Variants in PCDHA11 observed in about 807,000 individuals in gnomAD.
The protein encoded by PCDHA11 is protocadherin alpha-11.
PCDHA11 carries 61 observed loss-of-function variants against 70.3 expected under a neutral mutation model. That is an observed-to-expected ratio of 0.87 (90% CI 0.71 to 1.07). PCDHA11 has a LOEUF of 1.07. Among genes scored for constraint, PCDHA11 ranks in the 50% least tolerant of loss-of-function variants. The pLI is 0.00. For missense variants in PCDHA11, 1,324 were observed against 1,237.5 expected (o/e 1.07, Z -1.05); for synonymous variants, 633 against 555.1 (o/e 1.14, Z -1.97).
chr5:140,988,512 T>TCC (rs2097301181), intron 3 of PCDHA11, among the ~76,000 whole-genome samples: 1 of 152,218 alleles, frequency 6.6e-6, no homozygotes, highest in Non-Finnish European at 1.5e-5. Flanking sequence ...TGAAGCTTAC[T>TCC]TAAGTCTCTG....
At chr5:140,905,292 G>T (rs1394409672) in intron 1 of PCDHA11, among the ~76,000 whole-genome samples, 1 of 152,114 alleles carries the variant, frequency 6.6e-6, no homozygotes, top group African/African-American at 2.4e-5. Flanking sequence ...CTTGAATAAG[G>T]TGTCCTTTCC....
intron 1 of PCDHA11, among the ~76,000 whole-genome samples, chr5:140,912,343 AT>A (rs35252606): frequency 0.42 from 59,775 of 143,548 alleles, 12,483 homozygotes; most frequent in African/African-American, 0.57. Context: ...TACACTAAGT[AT>A]TTTTTTTTTT....
At chr5:140,956,958 A>C (rs970237928) in intron 1 of PCDHA11, among the ~76,000 whole-genome samples, 4 of 134,798 alleles carry the variant, frequency 3.0e-5, no homozygotes, top group Non-Finnish European at 6.6e-5. Context: ...AAACACTGTA[A>C]TTAATCAGTC....
rs2080357826 is a variant in PCDHA11 at position 140,921,739 on chromosome 5, G to T, written c.2391+50245G>T. The stretch of plus-strand genomic sequence containing the variant: ...CGAATTACTCCCATAAAAATTATAA[G>T]CATAACAGGACACTTCTTGGCTACT... On this transcript the variant is annotated intron_variant, in intron 1 of 3. Transcript: ENST00000398640. Among the ~76,000 whole-genome samples, 7 of 152,134 alleles carry T rather than the reference G, an allele frequency of 4.6e-5. No individual in the cohort carries two copies. In the South Asian group the frequency reaches 1.5e-3, roughly 32 times the overall value.
chr5:140,981,687 A>ATCAT (rs200213847), intron 2 of PCDHA11, among the ~76,000 whole-genome samples: 1,547 of 152,086 alleles, frequency 0.01, 18 homozygotes, highest in African/African-American at 0.031. Flanking sequence ...CCTCCCTTCC[A>ATCAT]TCATTCATTC....
At chr5:140,877,653 C>A in intron 1 of PCDHA11, 1 of 1,613,522 alleles carries the variant, frequency 6.2e-7, no homozygotes, top group Non-Finnish European at 8.5e-7. Flanking sequence ...CAGCGCCGCC[C>A]ACCGTGAGCC....
At position 140,870,481 on chromosome 5, in the gene PCDHA11, A is replaced by C. The variant is rs1329928274; in HGVS notation, c.1378A>C (p.Thr460Pro). 1 of 1,614,210 alleles carries C rather than the reference A, an allele frequency of 6.2e-7. No individual in the cohort carries two copies. The highest frequency in any genetic ancestry group is 2.2e-5 in the East Asian group (1 of 44,880). ...NAPAFAQPEY[T>P]VFVKENNPPG... is the part of the protein sequence containing the mutation. Reference sequence around the variant, plus strand: ...GCCTGCGTTCGCACAGCCCGAGTACACCGTGTTCGTGAAGGAGAACAACCC... The same window carrying C: ...GCCTGCGTTCGCACAGCCCGAGTACCCCGTGTTCGTGAAGGAGAACAACCC... Residue 460 changes from threonine (T) to proline (P), a missense_variant, in exon 1 of 4, where the codon ACC becomes CCC. Physicochemically the swap from Thr to Pro is conservative, Grantham distance 38. Coordinates refer to ENST00000398640, the MANE Select transcript of PCDHA11 (RefSeq NM_018902.5).
chr5:140,899,071 C>T (rs1436283947), intron 1 of PCDHA11, among the ~76,000 whole-genome samples: 1 of 152,106 alleles, frequency 6.6e-6, no homozygotes, highest in African/African-American at 2.4e-5. Flanking sequence ...AGTTGCTTAT[C>T]AGCTTAAGGA....
At chr5:141,005,930 G>C (rs1179599253) in intron 3 of PCDHA11, among the ~76,000 whole-genome samples, 1 of 151,958 alleles carries the variant, frequency 6.6e-6, no homozygotes, top group African/African-American at 2.4e-5. Context: ...CTGGTTGACA[G>C]AGTGAGAACC....
Position 140,901,601 on chromosome 5 carries a change from A to T in PCDHA11, c.2391+30107A>T, listed in dbSNP as rs1448240708. Among the ~76,000 whole-genome samples, 3 of 152,078 alleles carry T rather than the reference A, an allele frequency of 2.0e-5. 1 individual carries two copies. The highest frequency in any genetic ancestry group is 1.3e-4 in the Admixed American group (2 of 15,264). On this transcript the variant is annotated intron_variant, in intron 1 of 3. Transcript: ENST00000398640. Reference sequence around the variant, plus strand: ...AGTGCCATGATGTTTTGGTTACTATATCTCTATGGTATAATTTGAAGTCAG... The same window carrying T: ...AGTGCCATGATGTTTTGGTTACTATTTCTCTATGGTATAATTTGAAGTCAG...
chr5:140,869,679 G>A lies in PCDHA11; in HGVS notation c.576G>A (p.Leu192=). The A allele has an allele frequency of 6.2e-7, 1 of 1,613,452 alleles. No homozygotes were observed. The highest frequency in any genetic ancestry group is 8.5e-7 in the Non-Finnish European group (1 of 1,179,878). The stretch of plus-strand genomic sequence containing the variant: ...CAAATGGTAAGCAGATTAAAAGACT[G>A]TCACTTATTTTAAAGAAGTCTCTGG... The part of the protein sequence containing the change: ...SPTNGKQIKR[L]SLILKKSLDR... Residue 192 remains leucine (L), a synonymous_variant, in exon 1 of 4, where the codon CTG becomes CTA. Coordinates refer to ENST00000398640, the MANE Select transcript of PCDHA11 (RefSeq NM_018902.5).
At chr5:140,903,166 T>C (rs758397398) in intron 1 of PCDHA11, among the ~76,000 whole-genome samples, 34 of 152,226 alleles carry the variant, frequency 2.2e-4, no homozygotes, top group Non-Finnish European at 2.5e-4. Context: ...TGTGCTGGTT[T>C]ACATTCCCAC....
At chr5:140,902,400 C>T (rs2069421777) in intron 1 of PCDHA11, among the ~76,000 whole-genome samples, 1 of 151,930 alleles carries the variant, frequency 6.6e-6, no homozygotes, top group South Asian at 2.1e-4. Flanking sequence ...ATGTTGAATA[C>T]TATGTTGAAT....
intron 1 of PCDHA11, among the ~76,000 whole-genome samples, chr5:140,925,170 A>G (rs2153576816): frequency 6.6e-6 from 1 of 152,194 alleles, no homozygotes; most frequent in East Asian, 1.9e-4. Flanking sequence ...TGTGTAATTG[A>G]CCCCAATGTA....
intron 1 of PCDHA11, chr5:140,928,062 C>G: frequency 6.2e-7 from 1 of 1,614,194 alleles, no homozygotes; most frequent in Non-Finnish European, 8.5e-7. Context: ...TGACGGCTTC[C>G]TTTGACAACT....
intron 1 of PCDHA11, among the ~76,000 whole-genome samples, chr5:140,892,996 G>A (rs1014134688): frequency 2.0e-5 from 3 of 152,162 alleles, no homozygotes; most frequent in Admixed American, 1.3e-4. Flanking sequence ...GTGAGAACAT[G>A]TATTTATTTT....
intron 1 of PCDHA11, among the ~76,000 whole-genome samples, chr5:140,948,360 C>T (rs1258504765): frequency 6.6e-6 from 1 of 151,494 alleles, no homozygotes; most frequent in Non-Finnish European, 1.5e-5. Context: ...AATAAAATGA[C>T]TTAGGAGGTG....
intron 1 of PCDHA11, chr5:140,927,497 T>A: frequency 6.2e-7 from 1 of 1,614,094 alleles, no homozygotes; most frequent in Non-Finnish European, 8.5e-7. Flanking sequence ...CACCTGCTGG[T>A]GCTTACAGCT....
rs1164447924 is a variant in PCDHA11, at chr5:141,009,514, AT to A, written c.2540-108del. The A allele has an allele frequency of 1.5e-5, 22 of 1,501,204 alleles. 1 individual carries two copies. The South Asian group carries it at 1.9e-4, about 13-fold the overall frequency. 93.0% of individuals were successfully genotyped at this position (1,501,204 alleles called of 1,614,324 possible). ...CTCAGACTTGAACAAACAACTCGTG[AT>A]TTTTCTGGGGAGGTTCAGCCTGCCT... On this transcript the variant is annotated intron_variant, in intron 3 of 3. Coordinates refer to ENST00000398640, the MANE Select transcript of PCDHA11 (RefSeq NM_018902.5).
Sources: allele counts gnomAD v4.1 joint callset (sites outside exome capture counted in the v4.1 genomes callset), GRCh38; gene constraint gnomAD v4.1.1; transcripts MANE v1.5; gene names NCBI Gene and HGNC (gene_info 2026-07-23, HGNC 2026-07-21).